The following CTBP2 variants were observed in gnomAD, a reference collection of about 807,000 sequenced individuals.
The protein encoded by CTBP2 is C-terminal binding protein 2.
In CTBP2, 30 loss-of-function variants were observed where a neutral mutation model predicts 80.3. The observed-to-expected ratio is 0.37, with a 90% CI of 0.28 to 0.51. CTBP2 has a LOEUF of 0.51. Ranked by LOEUF, CTBP2 falls within the 20% of genes least tolerant of loss-of-function variation. CTBP2 has a pLI of 0.93. For missense variants in CTBP2, 1,212 were observed against 1,375.3 expected, an observed-to-expected ratio of 0.88 and a Z score of 1.88; for synonymous variants, 594 against 587.4, an observed-to-expected ratio of 1.01 and a Z score of -0.16.
At chr10:125,092,539 T>C (rs550716889) in intron 2 of CTBP2, among the ~76,000 whole-genome samples, 1 of 152,306 alleles carries the variant, frequency 6.6e-6, no homozygotes, top group African/African-American at 2.4e-5. Context: ...GACAGTAACT[T>C]ATCTAACCTT....
chr10:125,073,032 AAC>A (rs1303744846), intron 2 of CTBP2, among the ~76,000 whole-genome samples: 1 of 152,226 alleles, frequency 6.6e-6, no homozygotes, highest in Non-Finnish European at 1.5e-5. Flanking sequence ...AGAGCCCAAG[AAC>A]ACAGTGTCAG....
At position 125,154,984 on chromosome 10, in the gene CTBP2, G is replaced by A. The variant is rs1050140367; in HGVS notation, c.-206+5335C>T. Among the ~76,000 whole-genome samples the A allele has an allele frequency of 6.6e-5, 10 of 152,226 alleles. 1 individual carries two copies. Among genetic ancestry groups the A allele is most frequent in the African/African-American group, 2.4e-4 (10 of 41,454 alleles). The stretch of plus-strand genomic sequence containing the variant: ...GTAAAAATAAACACAACTTCCTCCT[G>A]TGACTTAAGATGCCTCCTTTCTGAA... On this transcript the variant is annotated intron_variant, in intron 1 of 10. Coordinates refer to the CTBP2 transcript ENST00000337195.
chr10:125,099,758 G>C lies in CTBP2; in HGVS notation c.-102+11232C>G, dbSNP rs78800501. 5.8e-3 allele frequency among the ~76,000 whole-genome samples: 882 copies of C among 152,280 alleles called. 11 individuals are homozygous for C. The highest frequency in any genetic ancestry group is 0.02 in the African/African-American group (836 of 41,546). Reference sequence around the variant, plus strand: ...GGTCCCAAGGACTGTTCAGGTCCACGGTCTCTTTCTCTGGACCCATCACTC... The same window carrying C: ...GGTCCCAAGGACTGTTCAGGTCCACCGTCTCTTTCTCTGGACCCATCACTC... On this transcript the variant is annotated intron_variant, in intron 2 of 10. Coordinates refer to the CTBP2 transcript ENST00000337195.
At chr10:125,092,725 C>G (rs1848966771) in intron 2 of CTBP2, among the ~76,000 whole-genome samples, 1 of 152,180 alleles carries the variant, frequency 6.6e-6, no homozygotes, top group African/African-American at 2.4e-5. Flanking sequence ...AGCAGGTGTC[C>G]TGTCTCTGGA....
intron 1 of CTBP2, among the ~76,000 whole-genome samples, chr10:125,023,034 G>A (rs1002572282): frequency 6.6e-6 from 1 of 152,188 alleles, no homozygotes; most frequent in African/African-American, 2.4e-5. Flanking sequence ...GAGGCCACAC[G>A]AAAAGAAGCC....
rs555045396 is a variant in CTBP2 at position 125,090,022 on chromosome 10, T to C, written c.-102+20968A>G. Among the ~76,000 whole-genome samples the C allele has an allele frequency of 3.3e-5, 5 of 152,236 alleles. No individual in the cohort carries two copies. The South Asian group carries it at 6.2e-4, about 19-fold the overall frequency. ...GCCCCAGCAGTCAGCACCAATGCAA[T>C]AGTCCTTGAAGATCACGGCCAAAGC... On this transcript the variant is annotated intron_variant, in intron 2 of 10. Coordinates refer to the CTBP2 transcript ENST00000337195.
At chr10:125,121,239 AGCACAGGCAATACCAATGCACAGC>A (rs1232102153) in intron 1 of CTBP2, among the ~76,000 whole-genome samples, 1 of 152,256 alleles carries the variant, frequency 6.6e-6, no homozygotes, top group African/African-American at 2.4e-5. Flanking sequence ...CACAGCGGGA[AGCACAGGCAATACCAATGCACAGC>A]GCTCAGCGTG....
At position 125,033,809 on chromosome 10, in the gene CTBP2, G is replaced by A. The variant is rs1425420833; in HGVS notation, c.58+5188C>T. Among the ~76,000 whole-genome samples, 3 of 152,050 alleles carry A rather than the reference G, an allele frequency of 2.0e-5. No individual in the cohort carries two copies. The East Asian group carries it at 5.8e-4, about 29-fold the overall frequency. On this transcript the variant is annotated intron_variant, in intron 3 of 10. Coordinates refer to the CTBP2 transcript ENST00000337195. ...GGACAGGCACTGAGAGTAAAGCCCTGGGCAGCTGGGCCCAGGGGCTCCGGG... is the reference window on the plus strand; with the variant it reads ...GGACAGGCACTGAGAGTAAAGCCCTAGGCAGCTGGGCCCAGGGGCTCCGGG...
chr10:125,129,376 T>C (rs1855783869), intron 1 of CTBP2, among the ~76,000 whole-genome samples: 1 of 152,108 alleles, frequency 6.6e-6, no homozygotes, highest in Admixed American at 6.6e-5. Flanking sequence ...TCATTTGACC[T>C]CATGCCCCTT....
At chr10:125,106,827 G>C (rs1396096464) in intron 2 of CTBP2, among the ~76,000 whole-genome samples, 2 of 152,242 alleles carry the variant, frequency 1.3e-5, no homozygotes, top group Admixed American at 1.3e-4. Context: ...CAGCAGCCAG[G>C]GTGGCGCAGG....
intron 1 of CTBP2, among the ~76,000 whole-genome samples, chr10:125,148,575 G>A (rs1859234810): frequency 6.6e-6 from 1 of 152,180 alleles, no homozygotes; most frequent in Admixed American, 6.5e-5. Context: ...GGGCCTGACT[G>A]GGACACAACC....
intron 2 of CTBP2, among the ~76,000 whole-genome samples, chr10:125,095,536 G>C (rs1216522596): frequency 3.9e-5 from 6 of 152,168 alleles, no homozygotes; most frequent in African/African-American, 7.2e-5. Context: ...CCACCACCAG[G>C]AAAAGACAAG....
intron 4 of CTBP2, 150 bp from the exon 7 acceptor site, chr10:124,994,833 G>A (rs997254711): frequency 1.5e-5 from 12 of 822,344 alleles, no homozygotes; most frequent in Non-Finnish European, 2.4e-5. Flanking sequence ...AGTGAGGCCT[G>A]AGGCGAGCAC....
chr10:125,102,510 G>C (rs1288348563), intron 2 of CTBP2, among the ~76,000 whole-genome samples: 2 of 152,240 alleles, frequency 1.3e-5, no homozygotes, highest in Admixed American at 1.3e-4. Context: ...CTTAAGCCCA[G>C]GGTTTGCAGG....
In CTBP2 at chr10:124,985,868, T is replaced by C. The variant is rs180859314; in HGVS notation, c.*3650A>G. ...CCATCAACAATGTGCTGCTCCCAGA[T>C]TGCCATGCCAGAGGGTCTTCGGATT... is the stretch of plus-strand genomic sequence containing the variant. On this transcript the variant is annotated 3_prime_UTR_variant, in exon 9 of 9. Coordinates refer to ENST00000309035, the MANE Select transcript of CTBP2 (RefSeq NM_022802.3). The C allele has an allele frequency of 3.3e-4, 50 of 151,888 alleles. No homozygotes were observed. The highest frequency in any genetic ancestry group is 1.2e-3 in the African/African-American group (50 of 41,558). The allele number at this position is 151,888 out of a possible 1,614,324, so 9.4% of individuals were successfully genotyped here.
chr10:125,016,319 G>T (rs779221555), intron 1 of CTBP2, among the ~76,000 whole-genome samples: 78 of 152,246 alleles, frequency 5.1e-4, no homozygotes, highest in Non-Finnish European at 1.0e-3. Context: ...TGCCCGAGGG[G>T]ATGGCTGCCC....
intron 1 of CTBP2, among the ~76,000 whole-genome samples, chr10:125,025,309 C>T (rs966870573): frequency 1.3e-5 from 2 of 152,148 alleles, no homozygotes; most frequent in South Asian, 2.1e-4. Flanking sequence ...GCTCTGAGGA[C>T]GCCCACCTAG....
chr10:125,006,146 C>CT (rs1955212843), intron 1 of CTBP2: 1 of 486,502 alleles, frequency 2.1e-6, no homozygotes, highest in African/African-American at 2.0e-5. Context: ...TCTACCCTCC[C>CT]TGATGGCCGG....
At chr10:125,070,922 GCTTGGCCT>G (rs1564847516) in intron 2 of CTBP2, among the ~76,000 whole-genome samples, 1 of 152,204 alleles carries the variant, frequency 6.6e-6, no homozygotes, top group African/African-American at 2.4e-5. Flanking sequence ...GAGCCACCAT[GCTTGGCCT>G]AAAATTTTTC....
Sources: allele counts gnomAD v4.1 joint callset (sites outside exome capture counted in the v4.1 genomes callset), GRCh38; gene constraint gnomAD v4.1.1; transcripts MANE v1.5; gene names NCBI Gene and HGNC (gene_info 2026-07-23, HGNC 2026-07-21).